Variants in PCDHGA7 observed in about 807,000 individuals in gnomAD.
PCDHGA7 encodes protocadherin gamma-A7.
A neutral mutation model predicts 58.3 loss-of-function variants in PCDHGA7; 44 were observed. The ratio of observed to expected loss-of-function variants is 0.75; its 90% CI spans 0.59 to 0.97. The LOEUF is 0.97. Among genes scored for constraint, PCDHGA7 ranks in the 50% least tolerant of loss-of-function variants. PCDHGA7 has a pLI of 0.00. For synonymous variants in PCDHGA7, 516 were observed against 504.2 expected (o/e 1.02, Z -0.31); for missense variants, 1,266 against 1,188.7 (o/e 1.06, Z -0.96).
Position 141,384,300 on chromosome 5 carries a change from AG to A in PCDHGA7, c.1405del (p.Ala469ProfsTer5), listed in dbSNP as rs751826409. The A allele has an allele frequency of 3.1e-6, 5 of 1,613,658 alleles. No homozygotes were observed. In the Admixed American group the frequency reaches 8.3e-5, roughly 27 times the overall value. On this transcript the variant is annotated frameshift_variant, in exon 1 of 4. Transcript: ENST00000518325. LOFTEE classifies it high-confidence loss of function. Reference protein sequence around the residue: ...SVYIAENNPRGASIFLVTAQD... With the variant: ...SVYIAENNPRXASIFLVTAQD... ...TCTACATCGCTGAGAACAACCCCAG[AG>A]GGGCCTCCATTTTCTTAGTGACTGC...
At chr5:141,398,957 T>G (rs1307112913) in intron 1 of PCDHGA7, 1 of 1,613,868 alleles carries the variant, frequency 6.2e-7, no homozygotes, top group South Asian at 1.1e-5. Context: ...AACTCAGAAA[T>G]TACTTATTCC....
chr5:141,408,096 C>T, intron 1 of PCDHGA7: 5 of 1,434,864 alleles, frequency 3.5e-6, no homozygotes, highest in Non-Finnish European at 4.6e-6. Flanking sequence ...ATTGCCAGCT[C>T]CGAGACCCGG....
At chr5:141,399,957 C>T in intron 1 of PCDHGA7, 5 of 1,612,212 alleles carry the variant, frequency 3.1e-6, no homozygotes, top group South Asian at 1.1e-5. Flanking sequence ...CTAGCGAGCC[C>T]GGGCTCTTCA....
chr5:141,500,184 T>TTTTATTTATTTATTTATTTA (rs58019021), intron 2 of PCDHGA7, among the ~76,000 whole-genome samples: 1 of 135,886 alleles, frequency 7.4e-6, no homozygotes, highest in African/African-American at 2.7e-5. Flanking sequence ...TCATTTTTAT[T>TTTTATTTATTTATTTATTTA]TTTATTTATT....
At chr5:141,509,720 A>G (rs916316577) in intron 3 of PCDHGA7, among the ~76,000 whole-genome samples, 6 of 151,974 alleles carry the variant, frequency 3.9e-5, no homozygotes, top group Admixed American at 3.3e-4. Context: ...GTCTGATGTC[A>G]CCTAGCTGTG....
chr5:141,433,508 A>G (rs2097615565), intron 1 of PCDHGA7, among the ~76,000 whole-genome samples: 1 of 152,068 alleles, frequency 6.6e-6, no homozygotes, highest in Non-Finnish European at 1.5e-5. Context: ...TGCTGGGATT[A>G]CAGGCGTGAA....
chr5:141,505,255 C>T (rs2099844853), intron 2 of PCDHGA7, 138 bp from the exon 3 acceptor site: 1 of 1,481,112 alleles, frequency 6.8e-7, no homozygotes, highest in Admixed American at 2.1e-5. Context: ...AGAAGTGCCT[C>T]CTACCTTGCT....
At chr5:141,422,812 T>A in intron 1 of PCDHGA7, 1 of 1,614,206 alleles carries the variant, frequency 6.2e-7, no homozygotes, top group Non-Finnish European at 8.5e-7. Context: ...GTTTCGAGAC[T>A]TAGAACTGAG....
chr5:141,387,471 T>C (rs1321289050), intron 1 of PCDHGA7, among the ~76,000 whole-genome samples: 3 of 152,232 alleles, frequency 2.0e-5, no homozygotes, highest in East Asian at 1.9e-4. Flanking sequence ...ATCCTCAAAG[T>C]TGGGATGAAG....
intron 1 of PCDHGA7, chr5:141,478,693 G>A: frequency 6.4e-7 from 1 of 1,550,764 alleles, no homozygotes; most frequent in Non-Finnish European, 8.7e-7. Context: ...CTAGATCAAA[G>A]TTAGTGCCTT....
In PCDHGA7 at chr5:141,432,293, G is replaced by T. The variant is rs765631138; in HGVS notation, c.2424+46970G>T. ...CTACGTGTCCATCAACTCCGACACT[G>T]GGGTACTGTATGCGCTGAGCTCCTT... On this transcript the variant is annotated intron_variant, in intron 1 of 3. Coordinates refer to ENST00000518325, the MANE Select transcript of PCDHGA7 (RefSeq NM_018920.4). The surrounding 1 kb of genome is among the most constrained non-coding windows in gnomAD (Gnocchi z 6.0). 1.2e-6 allele frequency: 2 copies of T among 1,614,136 alleles called. No individual in the cohort carries two copies. Among genetic ancestry groups the T allele is most frequent in the African/African-American group, 1.3e-5 (1 of 74,950 alleles).
intron 1 of PCDHGA7, among the ~76,000 whole-genome samples, chr5:141,425,133 A>T (rs1311425564): frequency 6.6e-6 from 1 of 152,200 alleles, no homozygotes; most frequent in Non-Finnish European, 1.5e-5. Flanking sequence ...GTCAAGAAAA[A>T]TGTTCAGGTA....
intron 1 of PCDHGA7, chr5:141,387,576 G>C (rs534073702): frequency 2.1e-6 from 1 of 487,618 alleles, no homozygotes; most frequent in Non-Finnish European, 3.6e-6. Context: ...TATAATTATT[G>C]CACTGGTTAA....
In PCDHGA7 at chr5:141,383,850, G is replaced by T. The variant is rs893832219; in HGVS notation, c.951G>T (p.Met317Ile). The change falls in exon 1 of 4, where the codon ATG (methionine) becomes ATT (isoleucine). Residue 317 changes from methionine (M) to isoleucine (I), a missense_variant. By Grantham distance (10) the Met-to-Ile change is conservative. Coordinates refer to ENST00000518325, the MANE Select transcript of PCDHGA7 (RefSeq NM_018920.4). ...LDYEETAFYEMEVQAQDGPGS... is the reference protein window; with the variant it reads ...LDYEETAFYEIEVQAQDGPGS... ...ATGAAGAAACTGCCTTCTATGAAATGGAGGTTCAGGCTCAAGATGGTCCTG... is the reference window on the plus strand; with the variant it reads ...ATGAAGAAACTGCCTTCTATGAAATTGAGGTTCAGGCTCAAGATGGTCCTG... The T allele has an allele frequency of 1.2e-6, 2 of 1,613,808 alleles. No homozygotes were observed. Among genetic ancestry groups the T allele is most frequent in the African/African-American group, 2.7e-5 (2 of 74,940 alleles).
At chr5:141,405,389 T>A in intron 1 of PCDHGA7, 12 of 1,600,534 alleles carry the variant, frequency 7.5e-6, no homozygotes, top group Non-Finnish European at 8.5e-6. Context: ...GAGTTCATTT[T>A]TTTTCTTTCT....
intron 1 of PCDHGA7, among the ~76,000 whole-genome samples, chr5:141,488,713 C>A (rs1165389103): frequency 6.6e-6 from 1 of 152,184 alleles, no homozygotes; most frequent in Non-Finnish European, 1.5e-5. Context: ...CTGGTTCAAG[C>A]AAAGTGGTGG....
intron 1 of PCDHGA7, among the ~76,000 whole-genome samples, chr5:141,471,883 C>T (rs951573411): frequency 6.6e-6 from 1 of 152,084 alleles, no homozygotes; most frequent in Non-Finnish European, 1.5e-5. Flanking sequence ...GAGGCTGAAG[C>T]TAGGAAGATT....
At chr5:141,483,648 T>TTGTGTGTGTGTGTG (rs111458813) in intron 1 of PCDHGA7, among the ~76,000 whole-genome samples, 2 of 149,592 alleles carry the variant, frequency 1.3e-5, no homozygotes, top group Non-Finnish European at 3.0e-5. Context: ...GGGTGTGTGT[T>TTGTGTGTGTGTGTG]TGTGTGTGTG....
At chr5:141,435,446 G>A (rs889481920) in intron 1 of PCDHGA7, among the ~76,000 whole-genome samples, 12 of 152,060 alleles carry the variant, frequency 7.9e-5, no homozygotes, top group Admixed American at 6.6e-4. Context: ...TCATTAATAC[G>A]ATATCTGTAT....
Sources: allele counts gnomAD v4.1 joint callset (sites outside exome capture counted in the v4.1 genomes callset), GRCh38; gene constraint gnomAD v4.1.1; non-coding constraint Gnocchi (gnomAD v3.1); transcripts MANE v1.5; gene names NCBI Gene and HGNC (gene_info 2026-07-23, HGNC 2026-07-21).